The following CABP7 variants were observed in gnomAD, a reference collection of about 807,000 sequenced individuals.
The protein encoded by CABP7 is calcium binding protein 7.
A neutral mutation model predicts 23.1 loss-of-function variants in CABP7; 13 were observed. That is an observed-to-expected ratio of 0.56 (90% CI 0.37 to 0.90). CABP7 has a LOEUF of 0.90. Ranked by LOEUF, CABP7 falls within the 40% of genes least tolerant of loss-of-function variation. The pLI, the probability that CABP7 is intolerant of heterozygous loss-of-function variation, is 0.01. For synonymous variants in CABP7, 123 were observed against 115.3 expected (o/e 1.07, Z -0.43); for missense variants, 248 against 295.6 (o/e 0.84, Z 1.18).
rs772042088 is a variant in CABP7 at position 29,729,542 on chromosome 22, C to T, written c.621C>T (p.Asn207=). ...FIISVMLIAA[N]QVLRSGMK ...TCAGTGTCATGCTCATTGCGGCCAA[C>T]CAGGTGCTGCGCAGTGGCATGAAGT... The change falls in exon 5 of 5, where the codon AAC becomes AAT. Residue 207 remains asparagine, a synonymous_variant. Transcript: ENST00000216144. The T allele has an allele frequency of 6.2e-7, 1 of 1,611,852 alleles. No homozygotes were observed. The highest frequency in any genetic ancestry group is 1.1e-5 in the South Asian group (1 of 91,090).
At chr22:29,725,743 A>G (rs2067791233) in intron 1 of CABP7, among the ~76,000 whole-genome samples, 1 of 151,814 alleles carries the variant, frequency 6.6e-6, no homozygotes, top group Non-Finnish European at 1.5e-5. Context: ...CTGCGTGTTC[A>G]AAGGACTGGA....
Position 29,720,796 on chromosome 22 carries a change from C to A in CABP7, c.109+263C>A, listed in dbSNP as rs1330212191. Among the ~76,000 whole-genome samples, 1 of 151,250 alleles carries A rather than the reference C, an allele frequency of 6.6e-6. No individual in the cohort carries two copies. The highest frequency in any genetic ancestry group is 1.9e-4 in the East Asian group (1 of 5,134). On this transcript the variant is annotated intron_variant, in intron 1 of 4. Transcript: ENST00000216144. The surrounding 1 kb of genome is among the most constrained non-coding windows in gnomAD (Gnocchi z 5.2). ...TGCGGAAACTTGCCGGGCCCCGCAG[C>A]GGGGTCACGGGGCCGCGCAGTCGGC... is the stretch of plus-strand genomic sequence containing the variant.
At chr22:29,723,004 G>A (rs2067772033) in intron 1 of CABP7, among the ~76,000 whole-genome samples, 1 of 152,232 alleles carries the variant, frequency 6.6e-6, no homozygotes, top group Non-Finnish European at 1.5e-5. Context: ...AGTGACCTTG[G>A]GCAATCGCTC....
chr22:29,721,063 C>T (rs578065396), intron 1 of CABP7, among the ~76,000 whole-genome samples: 28 of 152,300 alleles, frequency 1.8e-4, no homozygotes, highest in African/African-American at 6.7e-4. Flanking sequence ...CACCTGCGGC[C>T]GTAGCCCCTT....
rs929933273 is a variant in CABP7, at chr22:29,730,424, G to T, written c.*855G>T. ...AGCTGAGGAAGGAGGCAGAGCTGGG[G>T]CCTGAAGGCTCTGAGCAGCCTCCAG... On this transcript the variant is annotated 3_prime_UTR_variant, in exon 5 of 5. Transcript: ENST00000216144. 1 of 152,524 alleles carries T rather than the reference G, an allele frequency of 6.6e-6. No homozygotes were observed. Among genetic ancestry groups the T allele is most frequent in the Admixed American group, 6.5e-5 (1 of 15,270 alleles). 9.4% of individuals were successfully genotyped at this position (152,524 alleles called of 1,614,324 possible).
intron 1 of CABP7, among the ~76,000 whole-genome samples, chr22:29,725,378 A>G (rs1450001763): frequency 6.6e-6 from 1 of 152,184 alleles, no homozygotes; most frequent in Non-Finnish European, 1.5e-5. Flanking sequence ...TGCTCAGAAG[A>G]GCCAGAGAAC....
chr22:29,720,027 G>T lies in CABP7; in HGVS notation c.-398G>T. 6.7e-6 allele frequency: 1 copy of T among 150,242 alleles called. No homozygotes were observed. The highest frequency in any genetic ancestry group is 1.8e-4 in the South Asian group (1 of 5,478). The allele number at this position is 150,242 out of a possible 1,614,324, so 9.3% of individuals were successfully genotyped here. A position where few individuals can be genotyped will look rare whatever the true frequency, so the allele number is the denominator to read the frequency against. ...CACAGAACGAGCGAGCGAGCGAGCG[G>T]AGAGGCGGCTACAGCCTGAGCGCCG... On this transcript the variant is annotated 5_prime_UTR_variant, in exon 1 of 5. Coordinates refer to ENST00000216144, the MANE Select transcript of CABP7 (RefSeq NM_182527.3). The surrounding 1 kb of genome is among the most constrained non-coding windows in gnomAD (Gnocchi z 5.2).
In CABP7 at chr22:29,727,525, C is replaced by A; in HGVS notation, c.110-137C>A. 1.8e-6 allele frequency: 2 copies of A among 1,096,774 alleles called. No individual in the cohort carries two copies. The highest frequency in any genetic ancestry group is 1.3e-5 in the South Asian group (1 of 75,506). 67.9% of individuals were successfully genotyped at this position (1,096,774 alleles called of 1,614,324 possible). On this transcript the variant is annotated intron_variant, in intron 1 of 4. Transcript: ENST00000216144. The surrounding 1 kb of genome is among the most constrained non-coding windows in gnomAD (Gnocchi z 4.2). ...CACCCTTGTGCACCCTCGGGCCATG[C>A]TCTCACCAGATCTGCAGGCTCTGGG...
chr22:29,729,284 T>A, intron 4 of CABP7, 76 bp downstream of exon 4: 1 of 1,574,682 alleles, frequency 6.4e-7, no homozygotes, highest in South Asian at 1.1e-5. Flanking sequence ...GGGGAGAGTC[T>A]GCAGAGGGGG....
intron 1 of CABP7, among the ~76,000 whole-genome samples, chr22:29,725,224 G>A (rs1285584035): frequency 6.6e-6 from 1 of 152,136 alleles, no homozygotes; most frequent in Non-Finnish European, 1.5e-5. Context: ...GGCATCCTTG[G>A]GGGCTGGAAA....
At chr22:29,723,455 C>G (rs933092599) in intron 1 of CABP7, among the ~76,000 whole-genome samples, 3 of 152,222 alleles carry the variant, frequency 2.0e-5, no homozygotes, top group Non-Finnish European at 4.4e-5. Context: ...TCCAGGAACA[C>G]TGAGGCTGGT....
At chr22:29,722,693 C>T (rs2067769722) in intron 1 of CABP7, among the ~76,000 whole-genome samples, 1 of 152,270 alleles carries the variant, frequency 6.6e-6, no homozygotes, top group African/African-American at 2.4e-5. Context: ...ACGGATCCCC[C>T]TCTGCCCTCT....
Position 29,731,024 on chromosome 22 carries a change from C to A in CABP7, c.*1455C>A. Reference sequence around the variant, plus strand: ...CCCATCTTCTTAAGAAGCAGGGGGGCAGGTGGAGGAGAGTGAGGGGAGAGC... The same window carrying A: ...CCCATCTTCTTAAGAAGCAGGGGGGAAGGTGGAGGAGAGTGAGGGGAGAGC... On this transcript the variant is annotated 3_prime_UTR_variant, in exon 5 of 5. Coordinates refer to ENST00000216144, the MANE Select transcript of CABP7 (RefSeq NM_182527.3). 2.2e-6 allele frequency: 1 copy of A among 461,040 alleles called. No homozygotes were observed. Among genetic ancestry groups the A allele is most frequent in the South Asian group, 6.2e-5 (1 of 16,220 alleles). 28.6% of individuals were successfully genotyped at this position (461,040 alleles called of 1,614,324 possible).
At position 29,727,527 on chromosome 22, in the gene CABP7, C is replaced by A; in HGVS notation, c.110-135C>A. 8.9e-7 allele frequency: 1 copy of A among 1,120,516 alleles called. No individual in the cohort carries two copies. Among genetic ancestry groups the A allele is most frequent in the Non-Finnish European group, 1.3e-6 (1 of 760,648 alleles). 69.4% of individuals were successfully genotyped at this position (1,120,516 alleles called of 1,614,324 possible). On this transcript the variant is annotated intron_variant, in intron 1 of 4. Transcript: ENST00000216144. This position sits in a 1 kb window ranked among gnomAD's most constrained non-coding sequence, Gnocchi z 4.2. ...CCCTTGTGCACCCTCGGGCCATGCT[C>A]TCACCAGATCTGCAGGCTCTGGGTT...
intron 1 of CABP7, among the ~76,000 whole-genome samples, chr22:29,721,175 G>C (rs2067759401): frequency 6.6e-6 from 1 of 152,172 alleles, no homozygotes; most frequent in Admixed American, 6.5e-5. Flanking sequence ...AGTCGCGATA[G>C]CCAAGCCTGG....
At position 29,720,450 on chromosome 22, in the gene CABP7, C is replaced by T; in HGVS notation, c.26C>T (p.Ala9Val). Reference protein sequence around the residue: MPFHPVTAALMYRGIYTVP... With the variant: MPFHPVTAVLMYRGIYTVP... ...ATGCCGTTCCACCCGGTGACGGCGG[C>T]GTTGATGTACCGGGGCATCTACACC... is the stretch of plus-strand genomic sequence containing the variant. The change falls in exon 1 of 5, where the codon GCG becomes GTG. Residue 9 changes from alanine (A) to valine (V), a missense_variant. By Grantham distance (64) the Ala-to-Val change is moderately conservative. Coordinates refer to ENST00000216144, the MANE Select transcript of CABP7 (RefSeq NM_182527.3). The surrounding 1 kb of genome is among the most constrained non-coding windows in gnomAD (Gnocchi z 5.2). 1 of 1,553,568 alleles carries T rather than the reference C, an allele frequency of 6.4e-7. No homozygotes were observed. Among genetic ancestry groups the T allele is most frequent in the Non-Finnish European group, 8.7e-7 (1 of 1,152,394 alleles).
chr22:29,722,146 C>T (rs1212195932), intron 1 of CABP7, among the ~76,000 whole-genome samples: 1 of 152,218 alleles, frequency 6.6e-6, no homozygotes. Flanking sequence ...GCTTCACTCC[C>T]TCCCCTTGCT....
chr22:29,725,424 C>A (rs2067788676), intron 1 of CABP7, among the ~76,000 whole-genome samples: 1 of 152,180 alleles, frequency 6.6e-6, no homozygotes, highest in Non-Finnish European at 1.5e-5. Context: ...CCACATCAGT[C>A]ATTCATTCAT....
chr22:29,727,554 G>A lies in CABP7; in HGVS notation c.110-108G>A. Reference sequence around the variant, plus strand: ...CACCAGATCTGCAGGCTCTGGGTTGGGCTCTCAAGGCCATGCTCAGGCTGC... The same window carrying A: ...CACCAGATCTGCAGGCTCTGGGTTGAGCTCTCAAGGCCATGCTCAGGCTGC... On this transcript the variant is annotated intron_variant, in intron 1 of 4. Transcript: ENST00000216144. This position sits in a 1 kb window ranked among gnomAD's most constrained non-coding sequence, Gnocchi z 4.2. 1 of 1,391,994 alleles carries A rather than the reference G, an allele frequency of 7.2e-7. No individual in the cohort carries two copies. Among genetic ancestry groups the A allele is most frequent in the Non-Finnish European group, 1.0e-6 (1 of 994,622 alleles). 86.2% of individuals were successfully genotyped at this position (1,391,994 alleles called of 1,614,324 possible).
Sources: allele counts gnomAD v4.1 joint callset (sites outside exome capture counted in the v4.1 genomes callset), GRCh38; gene constraint gnomAD v4.1.1; non-coding constraint Gnocchi (gnomAD v3.1); transcripts MANE v1.5; gene names NCBI Gene and HGNC (gene_info 2026-07-23, HGNC 2026-07-21).